ZNF248: variants seen among roughly 807,000 people sequenced by gnomAD.
ZNF248 encodes zinc finger protein 248.
Under a neutral mutation model 44.3 loss-of-function variants are expected in ZNF248, and 20 were observed. The ratio of observed to expected loss-of-function variants is 0.45; its 90% CI spans 0.32 to 0.66. ZNF248 has a LOEUF of 0.66. Ranked by LOEUF, ZNF248 falls within the 30% of genes least tolerant of loss-of-function variation. The pLI is 0.04. For synonymous variants in ZNF248, 224 were observed against 229.0 expected (o/e 0.98, Z 0.20); for missense variants, 654 against 677.0 (o/e 0.97, Z 0.38).
chr10:37,770,517 G>A, the ZNF248 span, among the ~76,000 whole-genome samples: 4 of 152,132 alleles, frequency 2.6e-5, no homozygotes, highest in African/African-American at 9.7e-5. Context: ...AACAAGCAAT[G>A]GGGGAAGGAT....
rs114892234 is a variant in ZNF248 at position 37,844,154 on chromosome 10, G to C, written c.16-6043C>G. On this transcript the variant is annotated intron_variant, in intron 3 of 5. Transcript: ENST00000395867. Reference sequence around the variant, plus strand: ...TATCAAAAGCCAAATAACAACCACAGAGGTCAGACACCATAGAGACCAGAA... The same window carrying C: ...TATCAAAAGCCAAATAACAACCACACAGGTCAGACACCATAGAGACCAGAA... Among the ~76,000 whole-genome samples, 18 of 152,214 alleles carry C rather than the reference G, an allele frequency of 1.2e-4. No individual in the cohort carries two copies. In the South Asian group the frequency reaches 3.7e-3, roughly 32 times the overall value.
intron 6 of ZNF248, among the ~76,000 whole-genome samples, chr10:37,780,553 G>C (rs951040565): frequency 6.6e-6 from 1 of 152,210 alleles, no homozygotes; most frequent in Admixed American, 6.5e-5. Context: ...CTTCTTGATA[G>C]ACATATTAAC....
chr10:37,768,190 C>T, the ZNF248 span, among the ~76,000 whole-genome samples: 1 of 152,140 alleles, frequency 6.6e-6, no homozygotes, highest in African/African-American at 2.4e-5. Context: ...GACTTTAACA[C>T]CCCACTGACA....
In ZNF248 at chr10:37,856,237, T is replaced by C. The variant is rs2061259972; in HGVS notation, c.15+59A>G. ...TTTTCCATTTTCAAAACATAAACCC[T>C]TATAAACTTCAGAAATCCATTTTTA... is the stretch of plus-strand genomic sequence containing the variant. On this transcript the variant is annotated intron_variant, in intron 3 of 5. Transcript: ENST00000395867. 8.8e-6 allele frequency: 14 copies of C among 1,586,004 alleles called. No homozygotes were observed. The South Asian group carries it at 1.5e-4, about 17-fold the overall frequency.
intron 6 of ZNF248, among the ~76,000 whole-genome samples, chr10:37,815,569 T>G (rs551425857): frequency 6.6e-6 from 1 of 152,262 alleles, no homozygotes; most frequent in Non-Finnish European, 1.5e-5. Flanking sequence ...TTTAGCTTTT[T>G]AAACATCTTT....
In ZNF248 at chr10:37,849,560, G is replaced by A. The variant is rs1279179630; in HGVS notation, c.15+6736C>T. ...AAATTAGACGGGTGTGGTGGAGGGC[G>A]CCTGTAGTCCCAGGTACTCAGGAGG... is the stretch of plus-strand genomic sequence containing the variant. On this transcript the variant is annotated intron_variant, in intron 3 of 5. Transcript: ENST00000395867. 3.3e-5 allele frequency among the ~76,000 whole-genome samples: 5 copies of A among 151,932 alleles called. No individual in the cohort carries two copies. The East Asian group carries it at 9.7e-4, about 29-fold the overall frequency.
chr10:37,771,558 G>C (rs2046227298), downstream of ZNF248, among the ~76,000 whole-genome samples: 1 of 149,448 alleles, frequency 6.7e-6, no homozygotes, highest in Admixed American at 6.7e-5. Context: ...CTCACTCATA[G>C]GTGGGAGTTG....
intron 6 of ZNF248, among the ~76,000 whole-genome samples, chr10:37,782,973 C>T (rs2047487847): frequency 6.6e-6 from 1 of 152,144 alleles, no homozygotes; most frequent in African/African-American, 2.4e-5. Context: ...GACTCCAGGG[C>T]ATACACCTTG....
intron 6 of ZNF248, among the ~76,000 whole-genome samples, chr10:37,790,578 C>T (rs1052346159): frequency 2.6e-5 from 4 of 151,464 alleles, no homozygotes; most frequent in African/African-American, 7.3e-5. Flanking sequence ...GGCGTAGTGG[C>T]GCACGCCTGT....
chr10:37,819,952 G>C, intron 6 of ZNF248: 1 of 767,984 alleles, frequency 1.3e-6, no homozygotes, highest in Non-Finnish European at 2.4e-6. Flanking sequence ...TCGGACAGTA[G>C]TAAAGCGGCC....
At chr10:37,775,724 A>G (rs896146914), downstream of ZNF248, among the ~76,000 whole-genome samples, 1 of 152,178 alleles carries the variant, frequency 6.6e-6, no homozygotes, top group Non-Finnish European at 1.5e-5. Context: ...GTCACCTGCC[A>G]TGTTCACTCC....
the ZNF248 span, among the ~76,000 whole-genome samples, chr10:37,764,779 G>C: frequency 6.6e-6 from 1 of 152,256 alleles, no homozygotes; most frequent in South Asian, 2.1e-4. Flanking sequence ...ATCAGAAAAA[G>C]TTAATATAGG....
intron 6 of ZNF248, among the ~76,000 whole-genome samples, chr10:37,816,170 G>C (rs1028144135): frequency 5.9e-5 from 9 of 151,966 alleles, no homozygotes; most frequent in South Asian, 2.1e-4. Context: ...TGAAGGCCAG[G>C]GGGGAAGCAA....
downstream of ZNF248, among the ~76,000 whole-genome samples, chr10:37,825,031 A>T (rs1055444999): frequency 2.0e-5 from 3 of 152,022 alleles, no homozygotes; most frequent in Non-Finnish European, 4.4e-5. Context: ...CTTAAAAAAA[A>T]ATATTCCCAT....
At chr10:37,836,133 G>C (rs2057111327) in intron 5 of ZNF248, among the ~76,000 whole-genome samples, 1 of 151,922 alleles carries the variant, frequency 6.6e-6, no homozygotes, top group Admixed American at 6.6e-5. Context: ...CAAAATATTT[G>C]TACAAACCTA....
At chr10:37,786,420 A>T (rs2047875788) in intron 6 of ZNF248, among the ~76,000 whole-genome samples, 1 of 152,188 alleles carries the variant, frequency 6.6e-6, no homozygotes, top group Non-Finnish European at 1.5e-5. Context: ...TAACTTGTAG[A>T]GTAGGCAACC....
At position 37,833,127 on chromosome 10, in the gene ZNF248, G is replaced by C. The variant is rs1420012679; in HGVS notation, c.239-11C>G. 6.4e-7 allele frequency: 1 copy of C among 1,567,034 alleles called. No homozygotes were observed. Among genetic ancestry groups the C allele is most frequent in the Non-Finnish European group, 8.6e-7 (1 of 1,163,524 alleles). On this transcript the variant is annotated splice_polypyrimidine_tract_variant and intron_variant, in intron 5 of 5. Coordinates refer to ENST00000395867, the MANE Select transcript of ZNF248 (RefSeq NM_021045.3). ...CTTTCCATTTCCTTTCTAGAAATGA[G>C]AAAAATAACCACATCTTATGAACCT...
intron 6 of ZNF248, among the ~76,000 whole-genome samples, chr10:37,777,281 C>A (rs1422754821): frequency 6.6e-6 from 1 of 152,208 alleles, no homozygotes; most frequent in African/African-American, 2.4e-5. Flanking sequence ...AGCTGAACTT[C>A]ACCAGCGTTG....
intron 6 of ZNF248, among the ~76,000 whole-genome samples, chr10:37,812,773 A>C (rs1016909999): frequency 6.6e-6 from 1 of 151,228 alleles, no homozygotes; most frequent in Non-Finnish European, 1.5e-5. Context: ...GTTCATTACA[A>C]TGGTACTCCA....
Sources: gnomAD v4.1 joint callset for allele counts (sites outside exome capture counted in the v4.1 genomes callset) on GRCh38, gnomAD v4.1.1 for gene constraint, MANE v1.5 for transcripts, NCBI Gene and HGNC (gene_info 2026-07-23, HGNC 2026-07-21) for gene names.